TPR: variants seen among roughly 807,000 people sequenced by gnomAD.
TPR encodes the protein translocated promoter region, nuclear basket protein, also known as nucleoprotein TPR.
In TPR, 51 loss-of-function variants were observed where a neutral mutation model predicts 316.1. The observed-to-expected ratio is 0.16, with a 90% CI of 0.13 to 0.20. The LOEUF is 0.20. Ranked by LOEUF, TPR falls within the 10% of genes least tolerant of loss-of-function variation. The probability of loss-of-function intolerance (pLI) is 1.00; values close to 1 mark genes in which losing one functional copy is unlikely to be tolerated. For missense variants in TPR, 2,272 were observed against 2,754.8 expected, an observed-to-expected ratio of 0.82 and a Z score of 3.92; for synonymous variants, 981 against 914.7, an observed-to-expected ratio of 1.07 and a Z score of -1.31.
Position 186,320,343 on chromosome 1 carries a change from G to A in TPR, c.6537C>T (p.His2179=). 6.2e-7 allele frequency: 1 copy of A among 1,612,344 alleles called. No homozygotes were observed. The highest frequency in any genetic ancestry group is 8.5e-7 in the Non-Finnish European group (1 of 1,178,960). The change falls in exon 46 of 51, where the codon CAC becomes CAT. Residue 2179 remains histidine, a synonymous_variant. Transcript: ENST00000367478. ...PEDMPQTSSS[H]SDLGQLASQG... ...GAGAAGCAAGCTGGCCAAGATCAGA[G>A]TGACTAGAACTTGTTTGTGGCATAT...
Position 186,313,608 on chromosome 1 carries a change from G to T in TPR, c.*363C>A, listed in dbSNP as rs1657442739. ...ATAAACATTGTCTTTGAGCATAATAGTCAACATAAGTTATTTTTTAGTTTG... is the reference window on the plus strand; with the variant it reads ...ATAAACATTGTCTTTGAGCATAATATTCAACATAAGTTATTTTTTAGTTTG... On this transcript the variant is annotated 3_prime_UTR_variant, in exon 51 of 51. Transcript: ENST00000367478. The T allele has an allele frequency of 1.1e-6, 1 of 880,862 alleles. No individual in the cohort carries two copies. The highest frequency in any genetic ancestry group is 2.4e-5 in the East Asian group (1 of 41,468). 54.6% of individuals were successfully genotyped at this position (880,862 alleles called of 1,614,324 possible). A position where few individuals can be genotyped will look rare whatever the true frequency, so the allele number is the denominator to read the frequency against.
chr1:186,358,953 CA>C (rs1257855074), intron 12 of TPR, among the ~76,000 whole-genome samples: 1 of 152,088 alleles, frequency 6.6e-6, no homozygotes, highest in African/African-American at 2.4e-5. Flanking sequence ...TCAATATTCT[CA>C]GGCAGGCGGG....
intron 38 of TPR, among the ~76,000 whole-genome samples, chr1:186,331,826 C>A (rs1658176936): frequency 6.6e-6 from 1 of 151,988 alleles, no homozygotes; most frequent in African/African-American, 2.4e-5. Context: ...GATTTGAAAC[C>A]TGCTTCATTA....
In TPR at chr1:186,371,053, A is replaced by T; in HGVS notation, c.257-10T>A. 3 of 1,610,636 alleles carry T rather than the reference A, an allele frequency of 1.9e-6. No individual in the cohort carries two copies. In the South Asian group the frequency reaches 3.3e-5, roughly 18 times the overall value. Reference sequence around the variant, plus strand: ...GCCTTCAGTTGATTGTCTGGATAAAAGGAATTTTATGAATACATACACATT... The same window carrying T: ...GCCTTCAGTTGATTGTCTGGATAAATGGAATTTTATGAATACATACACATT... On this transcript the variant is annotated splice_polypyrimidine_tract_variant and intron_variant, in intron 2 of 50. Transcript: ENST00000367478.
chr1:186,320,217 T>C, intron 46 of TPR, 95 bp downstream of exon 46: 3 of 1,035,810 alleles, frequency 2.9e-6, no homozygotes, highest in Non-Finnish European at 4.0e-6. Flanking sequence ...TTTAAAAATA[T>C]TCATATTTGC....
At position 186,317,006 on chromosome 1, in the gene TPR, A is replaced by G. The variant is rs557622436; in HGVS notation, c.6940+476T>C. Among the ~76,000 whole-genome samples, 9 of 152,340 alleles carry G rather than the reference A, an allele frequency of 5.9e-5. No individual in the cohort carries two copies. The South Asian group carries it at 1.7e-3, about 28-fold the overall frequency. The stretch of plus-strand genomic sequence containing the variant: ...AAATTTCAAACAATTTTTTTAAGCA[A>G]CTGAGCTCTTACCCCTTAACTCTCC... On this transcript the variant is annotated intron_variant, in intron 49 of 50. Coordinates refer to ENST00000367478, the MANE Select transcript of TPR (RefSeq NM_003292.3).
chr1:186,353,397 A>G (rs1170946424), intron 18 of TPR, among the ~76,000 whole-genome samples: 2 of 152,016 alleles, frequency 1.3e-5, no homozygotes, highest in Admixed American at 1.3e-4. Flanking sequence ...AAAAAAAAAA[A>G]CGTCTTTGTT....
chr1:186,336,985 T>C (rs1327355223), intron 32 of TPR, 28 bp downstream of exon 32: 1 of 1,613,048 alleles, frequency 6.2e-7, no homozygotes, highest in Non-Finnish European at 8.5e-7. Context: ...AGGAAAGAAT[T>C]AGGAACAGAC....
chr1:186,353,737 G>A lies in TPR; in HGVS notation c.2285C>T (p.Thr762Met), dbSNP rs202056391. The A allele has an allele frequency of 9.9e-6, 16 of 1,613,928 alleles. No homozygotes were observed. In the East Asian group the frequency reaches 1.8e-4, roughly 18 times the overall value. ...TGCTCCTCTCAAATCTTGAGTCATCGTATTGATAATCTGTTCTTGCTTTTG... is the reference window on the plus strand; with the variant it reads ...TGCTCCTCTCAAATCTTGAGTCATCATATTGATAATCTGTTCTTGCTTTTG... Reference protein sequence around the residue: ...TTQKQEQIINTMTQDLRGANE... With the variant: ...TTQKQEQIINMMTQDLRGANE... The change falls in exon 18 of 51, where the codon ACG becomes ATG. Residue 762 changes from threonine to methionine, a missense_variant. By Grantham distance (81) the Thr-to-Met change is moderately conservative. Transcript: ENST00000367478.
At chr1:186,329,453 A>T (rs948599080) in intron 39 of TPR, among the ~76,000 whole-genome samples, 1 of 152,198 alleles carries the variant, frequency 6.6e-6, no homozygotes, top group Admixed American at 6.5e-5. Context: ...CATAAATGCA[A>T]AATTCACTTA....
intron 17 of TPR, among the ~76,000 whole-genome samples, chr1:186,355,042 T>C (rs945616970): frequency 4.6e-5 from 7 of 152,116 alleles, no homozygotes; most frequent in Non-Finnish European, 5.9e-5. Context: ...TAGCTGGGAT[T>C]ACAAGCATGC....
intron 43 of TPR, 130 bp from the exon 44 acceptor site, chr1:186,322,716 T>C: frequency 1.1e-6 from 1 of 893,232 alleles, no homozygotes; most frequent in Non-Finnish European, 1.7e-6. Flanking sequence ...TAGGACATTT[T>C]CCCAGGAAAA....
At chr1:186,325,634 C>T in intron 42 of TPR, 130 bp downstream of exon 42, 1 of 698,624 alleles carries the variant, frequency 1.4e-6, no homozygotes, top group Non-Finnish European at 2.3e-6. Flanking sequence ...ACAACAGTCA[C>T]AAAGCTAGAA....
intron 27 of TPR, chr1:186,342,457 C>G (rs1658538464): frequency 6.6e-6 from 1 of 152,186 alleles, no homozygotes; most frequent in African/African-American, 2.4e-5. Flanking sequence ...GTTAGAGACT[C>G]TGATTCTGTC....
chr1:186,362,243 T>C (rs1659216911), intron 7 of TPR, 45 bp downstream of exon 7: 6 of 1,472,892 alleles, frequency 4.1e-6, no homozygotes, highest in Non-Finnish European at 5.7e-6. Context: ...GCTTCGTAAG[T>C]GCTTTAGTAT....
Position 186,360,795 on chromosome 1 carries a change from T to C in TPR, c.1069A>G (p.Asn357Asp). Residue 357 changes from asparagine (N) to aspartate (D), a missense_variant, in exon 10 of 51, where the codon AAT (asparagine) becomes GAT (aspartate). Coordinates refer to ENST00000367478, the MANE Select transcript of TPR (RefSeq NM_003292.3). ...CGTTTTGTGGCAGAAAGAAGGTCATTTGCATTCTCTAATTCCTTCTCCAAT... is the reference window on the plus strand; with the variant it reads ...CGTTTTGTGGCAGAAAGAAGGTCATCTGCATTCTCTAATTCCTTCTCCAAT... ...GRLEKELENA[N>D]DLLSATKRKG... 4 of 1,612,962 alleles carry C rather than the reference T, an allele frequency of 2.5e-6. No homozygotes were observed. Among genetic ancestry groups the C allele is most frequent in the Admixed American group, 1.7e-5 (1 of 59,922 alleles).
chr1:186,370,140 G>GC (rs1659477296), intron 3 of TPR, among the ~76,000 whole-genome samples: 1 of 152,032 alleles, frequency 6.6e-6, no homozygotes, highest in Non-Finnish European at 1.5e-5. Flanking sequence ...ATGTGGCTAT[G>GC]CAAGTACTTA....
At chr1:186,354,024 T>C in intron 17 of TPR, 174 bp from the exon 18 acceptor site, 1 of 528,682 alleles carries the variant, frequency 1.9e-6, no homozygotes, top group Non-Finnish European at 3.2e-6. Context: ...TAGAAATAAC[T>C]CCAGGAACAG....
At chr1:186,347,271 T>C in intron 22 of TPR, 21 bp downstream of exon 22, 2 of 1,609,752 alleles carry the variant, frequency 1.2e-6, no homozygotes, top group Admixed American at 1.7e-5. Flanking sequence ...GATTGAATTC[T>C]GAATTCAGAA....
Sources: gnomAD v4.1 joint callset for allele counts (sites outside exome capture counted in the v4.1 genomes callset) on GRCh38, gnomAD v4.1.1 for gene constraint, MANE v1.5 for transcripts, NCBI Gene and HGNC (gene_info 2026-07-23, HGNC 2026-07-21) for gene names.